RASSF2: variants seen among roughly 807,000 people sequenced by gnomAD.
RASSF2 encodes ras association domain-containing protein 2.
Under a neutral mutation model 46.3 loss-of-function variants are expected in RASSF2, and 34 were observed. The ratio of observed to expected loss-of-function variants is 0.73; its 90% CI spans 0.56 to 0.98. The LOEUF (loss-of-function observed/expected upper bound fraction) is 0.98, where lower values mean the gene tolerates loss of function less well. Among genes scored for constraint, RASSF2 ranks in the 50% least tolerant of loss-of-function variants. The pLI is 0.00. For missense variants in RASSF2, 364 were observed against 431.2 expected (o/e 0.84, Z 1.38); for synonymous variants, 158 against 162.5 (o/e 0.97, Z 0.21).
At chr20:4,805,520 A>G (rs752744067) in intron 2 of RASSF2, among the ~76,000 whole-genome samples, 2 of 152,138 alleles carry the variant, frequency 1.3e-5, no homozygotes, top group Non-Finnish European at 2.9e-5. Context: ...ACTCCAGAAT[A>G]TAAGTATTAA....
rs763676875 is a variant in RASSF2 at position 4,784,278 on chromosome 20, T to C, written c.976A>G (p.Ile326Val). 6.2e-7 allele frequency: 1 copy of C among 1,613,534 alleles called. No individual in the cohort carries two copies. The highest frequency in any genetic ancestry group is 8.5e-7 in the Non-Finnish European group (1 of 1,179,494). Reference protein sequence around the residue: ...LEEIAETPATI With the variant: ...LEEIAETPATV ...GATCCCCTCGTTCTCATGGCTCAGA[T>C]TGTTGCTGGGGTCTCGGCTATCTCC... Residue 326 changes from isoleucine to valine, a missense_variant, in exon 12 of 12, where the codon ATC becomes GTC. Physicochemically the swap from Ile to Val is conservative, Grantham distance 29. Transcript: ENST00000379400.
chr20:4,793,148 G>A (rs927510931), intron 5 of RASSF2: 2 of 160,768 alleles, frequency 1.2e-5, no homozygotes, highest in African/African-American at 4.8e-5. Flanking sequence ...GCTTTGGAAG[G>A]GACACTGACA....
Position 4,795,536 on chromosome 20 carries a change from C to T in RASSF2, c.287+279G>A, listed in dbSNP as rs944297222. 24 of 335,300 alleles carry T rather than the reference C, an allele frequency of 7.2e-5. No individual in the cohort carries two copies. Among genetic ancestry groups the T allele is most frequent in the Admixed American group, 2.4e-4 (5 of 21,276 alleles). 20.8% of individuals were successfully genotyped at this position (335,300 alleles called of 1,614,324 possible). On this transcript the variant is annotated intron_variant, in intron 5 of 11. Transcript: ENST00000379400. The surrounding 1 kb of genome is among the most constrained non-coding windows in gnomAD (Gnocchi z 4.0). Reference sequence around the variant, plus strand: ...CTCCACTCAGAGACTCCTGAGTTCTCCCTAAGGGAGGACTCTGACTCAGCA... The same window carrying T: ...CTCCACTCAGAGACTCCTGAGTTCTTCCTAAGGGAGGACTCTGACTCAGCA...
chr20:4,795,876 G>T lies in RASSF2; in HGVS notation c.226C>A (p.Arg76Ser). ...IRLQMQDDNE[R>S]IRPPPSSSSW... is the part of the protein sequence containing the mutation. ...GAGGAGGATGGAGGGGGTCGAATGC[G>T]TTCGTTGTCATCCTGCATCTGCAGG... Residue 76 changes from arginine to serine, a missense_variant, in exon 5 of 12, where the codon CGC (arginine) becomes AGC (serine). Coordinates refer to ENST00000379400, the MANE Select transcript of RASSF2 (RefSeq NM_014737.3). This position sits in a 1 kb window ranked among gnomAD's most constrained non-coding sequence, Gnocchi z 4.0. 1 of 1,610,144 alleles carries T rather than the reference G, an allele frequency of 6.2e-7. No homozygotes were observed. Among genetic ancestry groups the T allele is most frequent in the East Asian group, 2.3e-5 (1 of 44,262 alleles).
At chr20:4,784,388 C>A (rs41279440) in intron 11 of RASSF2, 46 bp from the exon 12 acceptor site, 184,694 of 1,580,944 alleles carry the variant, frequency 0.12, 11,223 homozygotes, top group East Asian at 0.17. Context: ...CAGCAACACA[C>A]CCCTGCCCAG....
chr20:4,784,135 A>C lies in RASSF2; in HGVS notation c.*138T>G. 2 of 809,180 alleles carry C rather than the reference A, an allele frequency of 2.5e-6. No homozygotes were observed. Among genetic ancestry groups the C allele is most frequent in the Non-Finnish European group, 4.1e-6 (2 of 481,936 alleles). 50.1% of individuals were successfully genotyped at this position (809,180 alleles called of 1,614,324 possible). ...TCTGCTGACTTCTACATCCAGCTCC[A>C]GGTAGCAAATGATGGCTTGGCCGGA... On this transcript the variant is annotated 3_prime_UTR_variant, in exon 12 of 12. Coordinates refer to ENST00000379400, the MANE Select transcript of RASSF2 (RefSeq NM_014737.3).
intron 6 of RASSF2, 107 bp downstream of exon 6, chr20:4,792,431 AC>A: frequency 1.9e-6 from 3 of 1,546,988 alleles, no homozygotes; most frequent in Non-Finnish European, 2.6e-6. Context: ...TGTATCTTGA[AC>A]CATATACATT....
At chr20:4,805,169 T>C (rs1181138405) in intron 2 of RASSF2, among the ~76,000 whole-genome samples, 1 of 152,054 alleles carries the variant, frequency 6.6e-6, no homozygotes, top group Non-Finnish European at 1.5e-5. Flanking sequence ...GAAAATTACC[T>C]TATATGGTAA....
chr20:4,813,679 G>A (rs764736791), intron 2 of RASSF2, among the ~76,000 whole-genome samples: 1 of 152,212 alleles, frequency 6.6e-6, no homozygotes, highest in Non-Finnish European at 1.5e-5. Context: ...GGAGCGGGAC[G>A]AAAAAGGAAG....
At position 4,800,964 on chromosome 20, in the gene RASSF2, C is replaced by T. The variant is rs180894018; in HGVS notation, c.59+8G>A. The T allele has an allele frequency of 6.4e-5, 103 of 1,607,586 alleles. No homozygotes were observed. The highest frequency in any genetic ancestry group is 1.3e-4 in the African/African-American group (10 of 74,894). ...CTGAGGACAAAACACTCCAGCAAAA[C>T]GTCTTACTTGGAAATGTATTTATCT... On this transcript the variant is annotated splice_region_variant and intron_variant, in intron 3 of 11. Transcript: ENST00000379400.
At chr20:4,820,577 A>G (rs1432884320) in intron 2 of RASSF2, among the ~76,000 whole-genome samples, 1 of 152,186 alleles carries the variant, frequency 6.6e-6, no homozygotes, top group Non-Finnish European at 1.5e-5. Context: ...GGAAGTGTTT[A>G]AATAGGACAG....
At chr20:4,793,578 C>T (rs1926087073) in intron 5 of RASSF2, among the ~76,000 whole-genome samples, 1 of 152,176 alleles carries the variant, frequency 6.6e-6, no homozygotes, top group South Asian at 2.1e-4. Flanking sequence ...CAGCGACTCC[C>T]ACTCCCTGAT....
chr20:4,796,223 TA>T (rs1926343394), intron 4 of RASSF2, among the ~76,000 whole-genome samples: 1 of 152,222 alleles, frequency 6.6e-6, no homozygotes, highest in Non-Finnish European at 1.5e-5. Flanking sequence ...GTATAAATTA[TA>T]AAAAGCATTG....
At chr20:4,819,583 G>T (rs182269334) in intron 2 of RASSF2, among the ~76,000 whole-genome samples, 32 of 152,242 alleles carry the variant, frequency 2.1e-4, no homozygotes, top group Non-Finnish European at 3.7e-4. Flanking sequence ...TGAGACCAGT[G>T]GAACATGGGC....
intron 6 of RASSF2, among the ~76,000 whole-genome samples, chr20:4,791,710 G>A (rs2422996): frequency 0.49 from 74,706 of 152,066 alleles, 18,846 homozygotes; most frequent in African/African-American, 0.6. Flanking sequence ...AATGTGTGAC[G>A]TGACACATGT....
At chr20:4,801,386 C>G (rs546540418) in intron 2 of RASSF2, among the ~76,000 whole-genome samples, 1 of 152,298 alleles carries the variant, frequency 6.6e-6, no homozygotes, top group South Asian at 2.1e-4. Context: ...TCTGAAGAGA[C>G]CGTCACAACA....
At chr20:4,787,799 A>G (rs1165249636) in intron 9 of RASSF2, 45 bp from the exon 10 acceptor site, 1 of 1,605,220 alleles carries the variant, frequency 6.2e-7, no homozygotes, top group Non-Finnish European at 8.5e-7. Context: ...GGCCTTTCTC[A>G]CATTAAGTAG....
At chr20:4,787,432 C>A (rs1925455258) in intron 10 of RASSF2, among the ~76,000 whole-genome samples, 1 of 152,168 alleles carries the variant, frequency 6.6e-6, no homozygotes, top group Non-Finnish European at 1.5e-5. Flanking sequence ...GGCAAAAAAG[C>A]AAATGTTTGC....
intron 2 of RASSF2, among the ~76,000 whole-genome samples, chr20:4,809,999 C>T (rs1195708382): frequency 6.6e-6 from 1 of 152,228 alleles, no homozygotes; most frequent in Non-Finnish European, 1.5e-5. Flanking sequence ...GCACTGTCAA[C>T]ACTCACAGCA....
Sources: allele counts gnomAD v4.1 joint callset (sites outside exome capture counted in the v4.1 genomes callset), GRCh38; gene constraint gnomAD v4.1.1; non-coding constraint Gnocchi (gnomAD v3.1); transcripts MANE v1.5; gene names NCBI Gene and HGNC (gene_info 2026-07-23, HGNC 2026-07-21).